Variants in SAMD12 observed in about 807,000 individuals in gnomAD.
The protein encoded by SAMD12 is sterile alpha motif domain containing 12, also known as sterile alpha motif domain-containing protein 12.
A neutral mutation model predicts 15.0 loss-of-function variants in SAMD12; 9 were observed. The ratio of observed to expected loss-of-function variants is 0.60; its 90% CI spans 0.36 to 1.05. The LOEUF is 1.05. SAMD12 is among the 50% of genes least tolerant of loss of function. The pLI is 0.01. For missense variants in SAMD12, 230 were observed against 234.2 expected (o/e 0.98, Z 0.12); for synonymous variants, 86 against 90.1 (o/e 0.96, Z 0.25).
At chr8:118,519,683 A>G (rs1170098989) in intron 2 of SAMD12, among the ~76,000 whole-genome samples, 1 of 152,216 alleles carries the variant, frequency 6.6e-6, no homozygotes, top group Non-Finnish European at 1.5e-5. Context: ...AGCCCTTACA[A>G]TAACAGAGAT....
intron 3 of SAMD12, among the ~76,000 whole-genome samples, chr8:118,435,403 G>C (rs1180954051): frequency 6.6e-6 from 1 of 152,014 alleles, no homozygotes; most frequent in African/African-American, 2.4e-5. Context: ...TATATAAATA[G>C]TGTTTAGTAA....
intron 4 of SAMD12, among the ~76,000 whole-genome samples, chr8:118,326,984 C>G (rs184951855): frequency 2.0e-5 from 3 of 152,284 alleles, no homozygotes; most frequent in Non-Finnish European, 4.4e-5. Context: ...ATTTTGGTCC[C>G]TTCTGTAAAG....
At chr8:118,320,049 C>A (rs1425522611) in intron 4 of SAMD12, among the ~76,000 whole-genome samples, 1 of 152,046 alleles carries the variant, frequency 6.6e-6, no homozygotes, top group Non-Finnish European at 1.5e-5. Flanking sequence ...AAAGAAACTG[C>A]AGAGTAGGTA....
chr8:118,213,391 T>C (rs1161780423), intron 4 of SAMD12, among the ~76,000 whole-genome samples: 4 of 152,186 alleles, frequency 2.6e-5, no homozygotes, highest in African/African-American at 4.8e-5. Flanking sequence ...TGACGCAACA[T>C]GGACAGGCCC....
At chr8:118,469,755 G>C (rs981199813) in intron 2 of SAMD12, among the ~76,000 whole-genome samples, 5 of 148,998 alleles carry the variant, frequency 3.4e-5, no homozygotes, top group Admixed American at 2.7e-4. Flanking sequence ...TAGAGACAGG[G>C]CTTCGCCATG....
At chr8:118,175,047 AC>A in the SAMD12 span, among the ~76,000 whole-genome samples, 6,501 of 144,046 alleles carry the variant, frequency 0.045, 335 homozygotes, top group African/African-American at 0.13. Flanking sequence ...AAAAAAAAAA[AC>A]AAAAAAAACA....
Position 118,439,589 on chromosome 8 carries a change from C to T in SAMD12, c.322+243G>A, listed in dbSNP as rs113710069. On this transcript the variant is annotated intron_variant, in intron 3 of 3. Transcript: ENST00000314727. ...TTATTTTCTCTAGGATCCCCCAACCCTGCACCCTGATTCCCATATACTTTT... is the reference window on the plus strand; with the variant it reads ...TTATTTTCTCTAGGATCCCCCAACCTTGCACCCTGATTCCCATATACTTTT... Among the ~76,000 whole-genome samples the T allele has an allele frequency of 0.023, 3,536 of 151,548 alleles. 138 individuals carry two copies. The highest frequency in any genetic ancestry group is 0.081 in the African/African-American group (3,364 of 41,456).
chr8:118,377,758 A>C (rs1017594158), downstream of SAMD12, among the ~76,000 whole-genome samples: 10 of 152,318 alleles, frequency 6.6e-5, no homozygotes, highest in Middle Eastern at 6.8e-3. Flanking sequence ...AAAGAGTCAA[A>C]GGCACACATA....
At chr8:118,184,331 AT>A in the SAMD12 span, among the ~76,000 whole-genome samples, 1 of 152,170 alleles carries the variant, frequency 6.6e-6, no homozygotes, top group African/African-American at 2.4e-5. Flanking sequence ...CCAAACGGGA[AT>A]TAGGTCTTTG....
intron 2 of SAMD12, among the ~76,000 whole-genome samples, chr8:118,458,779 G>A (rs1042450825): frequency 2.6e-5 from 4 of 152,116 alleles, no homozygotes; most frequent in Admixed American, 1.3e-4. Flanking sequence ...CTTATCAAAT[G>A]TATTTTAGGC....
At chr8:118,279,456 A>G (rs1244728228) in intron 4 of SAMD12, among the ~76,000 whole-genome samples, 1 of 152,354 alleles carries the variant, frequency 6.6e-6, no homozygotes, top group Admixed American at 6.5e-5. Flanking sequence ...TAATGATCAG[A>G]TATCACCATC....
At chr8:118,351,097 C>T (rs1349864909) in intron 4 of SAMD12, among the ~76,000 whole-genome samples, 1 of 152,182 alleles carries the variant, frequency 6.6e-6, no homozygotes, top group Non-Finnish European at 1.5e-5. Flanking sequence ...TGGCCAGATC[C>T]TTATGAGCTA....
chr8:118,546,841 C>T (rs919145366), intron 2 of SAMD12, among the ~76,000 whole-genome samples: 2 of 152,134 alleles, frequency 1.3e-5, no homozygotes, highest in Admixed American at 1.3e-4. Context: ...CACTTGGTGC[C>T]TGGAAGAGAA....
intron 4 of SAMD12, among the ~76,000 whole-genome samples, chr8:118,300,818 C>T (rs1050120282): frequency 6.6e-6 from 1 of 152,162 alleles, no homozygotes; most frequent in African/African-American, 2.4e-5. Flanking sequence ...AGCGCATGTT[C>T]ATAAAATTGT....
intron 4 of SAMD12, among the ~76,000 whole-genome samples, chr8:118,254,159 G>A (rs746593335): frequency 6.6e-6 from 1 of 152,126 alleles, no homozygotes; most frequent in African/African-American, 2.4e-5. Flanking sequence ...GTAGAGGAGG[G>A]TGATGGGAAT....
chr8:118,222,569 A>C (rs1812106211), intron 4 of SAMD12, among the ~76,000 whole-genome samples: 1 of 152,082 alleles, frequency 6.6e-6, no homozygotes, highest in Non-Finnish European at 1.5e-5. Flanking sequence ...GCAATGCCTC[A>C]ATCTCAGCTC....
chr8:118,366,863 A>AAATAAAAT (rs1818811869), intron 4 of SAMD12, among the ~76,000 whole-genome samples: 2 of 129,154 alleles, frequency 1.5e-5, no homozygotes, highest in Admixed American at 7.8e-5. Flanking sequence ...AAATAAAATA[A>AAATAAAAT]AATAAAATAA....
chr8:118,402,141 A>G (rs1820899046), intron 3 of SAMD12, among the ~76,000 whole-genome samples: 1 of 152,206 alleles, frequency 6.6e-6, no homozygotes, highest in Admixed American at 6.5e-5. Flanking sequence ...AGAAGAAAAA[A>G]AATCACACAC....
At chr8:118,495,102 G>C (rs1400546635) in intron 2 of SAMD12, among the ~76,000 whole-genome samples, 1 of 152,178 alleles carries the variant, frequency 6.6e-6, no homozygotes, top group East Asian at 1.9e-4. Context: ...TAAGTTTTCA[G>C]GAAAGGTTAG....
Sources: allele counts gnomAD v4.1 joint callset (sites outside exome capture counted in the v4.1 genomes callset), GRCh38; gene constraint gnomAD v4.1.1; transcripts MANE v1.5; gene names NCBI Gene and HGNC (gene_info 2026-07-23, HGNC 2026-07-21).